Variants in RAP1B observed in about 807,000 individuals in gnomAD.
The protein encoded by RAP1B is ras-related protein Rap-1b.
In RAP1B, 1 loss-of-function variant was observed where a neutral mutation model predicts 27.5. That is an observed-to-expected ratio of 0.04 (90% CI 0.01 to 0.17). The LOEUF is 0.17. Among genes scored for constraint, RAP1B ranks in the 10% least tolerant of loss-of-function variants. The probability of loss-of-function intolerance (pLI) is 1.00; values close to 1 mark genes in which losing one functional copy is unlikely to be tolerated. For synonymous variants in RAP1B, 75 were observed against 73.1 expected (o/e 1.03, Z -0.13); for missense variants, 84 against 214.8 (o/e 0.39, Z 3.81).
chr12:68,651,907 T>G (rs1470043092), intron 3 of RAP1B, 88 bp from the exon 4 acceptor site: 8 of 1,010,852 alleles, frequency 7.9e-6, no homozygotes, highest in Non-Finnish European at 1.2e-5. Context: ...CTGTGTGTCT[T>G]ATTTTTGATA....
Position 68,650,399 on chromosome 12 carries a change from G to T in RAP1B, c.58-1G>T. 2 of 1,540,654 alleles carry T rather than the reference G, an allele frequency of 1.3e-6. No homozygotes were observed. Among genetic ancestry groups the T allele is most frequent in the South Asian group, 1.2e-5 (1 of 81,588 alleles). ...TAATGGTTTCTTAATTTTTTTTTCA[G>T]ACTGTACAATTTGTTCAAGGAATTT... On this transcript the variant is annotated splice_acceptor_variant, in intron 2 of 7. Transcript: ENST00000250559. LOFTEE classifies it high-confidence loss of function.
Position 68,627,946 on chromosome 12 carries a change from T to A in RAP1B, c.-27+16903T>A, listed in dbSNP as rs61615324. On this transcript the variant is annotated intron_variant, in intron 1 of 7. Coordinates refer to ENST00000250559, the MANE Select transcript of RAP1B (RefSeq NM_001010942.3). ...CAAGACCCTGTATCTGCAAAAAATT[T>A]AAAAAAAAAAATTTAATCAGGCATG... 6.6e-3 allele frequency among the ~76,000 whole-genome samples: 989 copies of A among 148,942 alleles called. 4 individuals are homozygous for A. Among genetic ancestry groups the A allele is most frequent in the African/African-American group, 8.7e-3 (352 of 40,648 alleles).
intron 7 of RAP1B, among the ~76,000 whole-genome samples, chr12:68,658,411 C>T (rs564354781): frequency 6.6e-6 from 1 of 152,318 alleles, no homozygotes; most frequent in South Asian, 2.1e-4. Flanking sequence ...TTGCAAACCT[C>T]ATTCAGACTC....
chr12:68,612,607 A>G (rs1395865046), intron 1 of RAP1B, among the ~76,000 whole-genome samples: 1 of 152,248 alleles, frequency 6.6e-6, no homozygotes, highest in Non-Finnish European at 1.5e-5. Context: ...ATCATCTTAC[A>G]AAGAATATTC....
chr12:68,651,787 C>T, intron 3 of RAP1B: 1 of 515,008 alleles, frequency 1.9e-6, no homozygotes, highest in Non-Finnish European at 3.6e-6. Flanking sequence ...GAACACATGG[C>T]TTTTGAACTT....
chr12:68,664,766 T>TGGGAAAGACCAGTCAAATAAACTA lies in RAP1B; in HGVS notation c.*5518_*5541dup, dbSNP rs1437596552. 1 of 152,160 alleles carries TGGGAAAGACCAGTCAAATAAACTA rather than the reference T, an allele frequency of 6.6e-6. No individual in the cohort carries two copies. The highest frequency in any genetic ancestry group is 1.5e-5 in the Non-Finnish European group (1 of 68,014). 9.4% of individuals were successfully genotyped at this position (152,160 alleles called of 1,614,324 possible). A position where few individuals can be genotyped will look rare whatever the true frequency, so the allele number is the denominator to read the frequency against. ...GGCAAGGTGTTTAACAAGTCAATGA[T>TGGGAAAGACCAGTCAAATAAACTA]GGGAAAGACCAGTCAAATAAACTAT... On this transcript the variant is annotated 3_prime_UTR_variant, in exon 8 of 8. Transcript: ENST00000250559.
rs1156437182 is a variant in RAP1B at position 68,669,996 on chromosome 12, G to A, written c.*10747G>A. ...TTGTTGCCCAGACTGGAGTATAATG[G>A]CACGATCTTGGTTCACCACAACCTC... On this transcript the variant is annotated 3_prime_UTR_variant, in exon 8 of 8. Transcript: ENST00000250559. 1 of 128,116 alleles carries A rather than the reference G, an allele frequency of 7.8e-6. No homozygotes were observed. Among genetic ancestry groups the A allele is most frequent in the East Asian group, 2.3e-4 (1 of 4,322 alleles). The allele number at this position is 128,116 out of a possible 1,614,324, so 7.9% of individuals were successfully genotyped here.
At chr12:68,630,379 A>C (rs966935353) in intron 1 of RAP1B, among the ~76,000 whole-genome samples, 4 of 152,192 alleles carry the variant, frequency 2.6e-5, no homozygotes, top group Non-Finnish European at 5.9e-5. Flanking sequence ...AAACTTTATG[A>C]GTGTGACTGT....
chr12:68,616,026 C>G (rs994488117), intron 1 of RAP1B, among the ~76,000 whole-genome samples: 9 of 151,714 alleles, frequency 5.9e-5, no homozygotes, highest in Non-Finnish European at 1.2e-4. Flanking sequence ...TGCAGTGGCA[C>G]GGTCTCCGCT....
At position 68,657,051 on chromosome 12, in the gene RAP1B, G is replaced by A. The variant is rs745754857; in HGVS notation, c.469-50G>A. 6.3e-6 allele frequency: 9 copies of A among 1,418,510 alleles called. No individual in the cohort carries two copies. In the South Asian group the frequency reaches 7.2e-5, roughly 11 times the overall value. 87.9% of individuals were successfully genotyped at this position (1,418,510 alleles called of 1,614,324 possible). On this transcript the variant is annotated intron_variant, in intron 6 of 7. Transcript: ENST00000250559. ...TTTTTCAATTTACTTTTTTCATTGG[G>A]GGGGATAGGTGTTCCTCCTGTAAAT...
intron 1 of RAP1B, among the ~76,000 whole-genome samples, chr12:68,636,482 C>T (rs1180047424): frequency 6.6e-6 from 1 of 152,194 alleles, no homozygotes; most frequent in Non-Finnish European, 1.5e-5. Context: ...TGATAGAGTG[C>T]AGTAATGCAG....
intron 1 of RAP1B, 164 bp from the exon 2 acceptor site, chr12:68,648,535 A>G (rs1448841055): frequency 5.1e-6 from 3 of 585,770 alleles, no homozygotes; most frequent in Non-Finnish European, 8.8e-6. Flanking sequence ...GTTTTCTTCT[A>G]CCTCTGAGCA....
chr12:68,648,674 C>CTTTT, intron 1 of RAP1B, 25 bp from the exon 2 acceptor site: 1 of 1,223,252 alleles, frequency 8.2e-7, no homozygotes, highest in Non-Finnish European at 1.1e-6. Context: ...ACTTAGAATT[C>CTTTT]TTTTTTTTTT....
chr12:68,639,858 T>G (rs540143193), intron 1 of RAP1B, among the ~76,000 whole-genome samples: 95 of 151,910 alleles, frequency 6.3e-4, no homozygotes, highest in African/African-American at 9.9e-4. Flanking sequence ...TTTTTTTTTT[T>G]GGGAGACTGA....
intron 3 of RAP1B, 84 bp downstream of exon 3, chr12:68,650,552 C>A: frequency 8.7e-7 from 1 of 1,143,016 alleles, no homozygotes; most frequent in East Asian, 3.2e-5. Flanking sequence ...ATGTTTTATA[C>A]AAAGGATGGA....
Position 68,669,304 on chromosome 12 carries a change from A to G in RAP1B, c.*10055A>G, listed in dbSNP as rs953525399. The G allele has an allele frequency of 1.3e-5, 2 of 152,360 alleles. No individual in the cohort carries two copies. Among genetic ancestry groups the G allele is most frequent in the East Asian group, 1.9e-4 (1 of 5,190 alleles). The allele number at this position is 152,360 out of a possible 1,614,324, so 9.4% of individuals were successfully genotyped here. On this transcript the variant is annotated 3_prime_UTR_variant, in exon 8 of 8. Transcript: ENST00000250559. ...GGAAGATAATATCATAAAAATATCA[A>G]TTCCCCCAAATTAGCATGTTAATGT...
intron 1 of RAP1B, among the ~76,000 whole-genome samples, chr12:68,618,933 GC>G (rs1422614498): frequency 2.6e-5 from 4 of 151,970 alleles, no homozygotes; most frequent in African/African-American, 9.7e-5. Flanking sequence ...TGTAGTGAGA[GC>G]CTGTCTCTCC....
chr12:68,632,688 G>A (rs770419461), intron 1 of RAP1B, among the ~76,000 whole-genome samples: 1 of 152,148 alleles, frequency 6.6e-6, no homozygotes, highest in Non-Finnish European at 1.5e-5. Context: ...AGAATGTGGA[G>A]TAAATGGTGG....
intron 1 of RAP1B, among the ~76,000 whole-genome samples, chr12:68,634,577 ATAT>A (rs949293663): frequency 6.7e-6 from 1 of 149,622 alleles, no homozygotes. Flanking sequence ...TCTTGAGCCT[ATAT>A]TATTATTTTT....
Sources: gnomAD v4.1 joint callset for allele counts (sites outside exome capture counted in the v4.1 genomes callset) on GRCh38, gnomAD v4.1.1 for gene constraint, MANE v1.5 for transcripts, NCBI Gene and HGNC (gene_info 2026-07-23, HGNC 2026-07-21) for gene names.